MUC21: variants seen among roughly 807,000 people sequenced by gnomAD.
The protein encoded by MUC21 is mucin 21, cell surface associated, also known as mucin-21.
Under a neutral mutation model 9.1 loss-of-function variants are expected in MUC21, and 8 were observed. The ratio of observed to expected loss-of-function variants is 0.88; its 90% CI spans 0.52 to 1.59. The LOEUF (loss-of-function observed/expected upper bound fraction) is 1.59, where lower values mean the gene tolerates loss of function less well. Among genes scored for constraint, MUC21 ranks in the 40% most tolerant of loss-of-function variants. MUC21 has a pLI of 0.00. For synonymous variants in MUC21, 189 were observed against 275.2 expected (o/e 0.69, Z 3.10); for missense variants, 478 against 694.2 (o/e 0.69, Z 3.50).
chr6:30,988,473 T>G lies in MUC21; in HGVS notation c.*279T>G, dbSNP rs1264078894. 1.2e-5 allele frequency: 5 copies of G among 409,602 alleles called. No individual in the cohort carries two copies. The highest frequency in any genetic ancestry group is 2.1e-5 in the Non-Finnish European group (5 of 234,090). 25.4% of individuals were successfully genotyped at this position (409,602 alleles called of 1,614,324 possible). A position where few individuals can be genotyped will look rare whatever the true frequency, so the allele number is the denominator to read the frequency against. ...GTGGGTATCTAGCTCTGAGATGAAC[T>G]CAGTTATAGGAGAAAACCTCCATGC... On this transcript the variant is annotated 3_prime_UTR_variant, in exon 3 of 3. Coordinates refer to ENST00000376296, the MANE Select transcript of MUC21 (RefSeq NM_001010909.5).
intron 1 of MUC21, among the ~76,000 whole-genome samples, chr6:30,986,022 C>T (rs1359321187): frequency 2.0e-5 from 3 of 152,194 alleles, no homozygotes; most frequent in Non-Finnish European, 4.4e-5. Flanking sequence ...ACCTTGGCCT[C>T]CCAAAGTGCT....
At position 30,988,542 on chromosome 6, in the gene MUC21, G is replaced by C. The variant is rs1762487534; in HGVS notation, c.*348G>C. 4.1e-6 allele frequency: 1 copy of C among 245,264 alleles called. No individual in the cohort carries two copies. The highest frequency in any genetic ancestry group is 8.2e-5 in the East Asian group (1 of 12,216). 15.2% of individuals were successfully genotyped at this position (245,264 alleles called of 1,614,324 possible). A position where few individuals can be genotyped will look rare whatever the true frequency, so the allele number is the denominator to read the frequency against. On this transcript the variant is annotated 3_prime_UTR_variant, in exon 3 of 3. Transcript: ENST00000376296. The stretch of plus-strand genomic sequence containing the variant: ...CAAAATCTCCACAGTAAAATCCAAA[G>C]ACCTCATTCTTATCTGTGTGTCTGC...
In MUC21 at chr6:30,988,421, A is replaced by G. The variant is rs1211794519; in HGVS notation, c.*227A>G. 4.0e-6 allele frequency: 2 copies of G among 497,008 alleles called. No homozygotes were observed. Among genetic ancestry groups the G allele is most frequent in the African/African-American group, 3.9e-5 (2 of 50,970 alleles). 30.8% of individuals were successfully genotyped at this position (497,008 alleles called of 1,614,324 possible). On this transcript the variant is annotated 3_prime_UTR_variant, in exon 3 of 3. Coordinates refer to ENST00000376296, the MANE Select transcript of MUC21 (RefSeq NM_001010909.5). ...AAATACATCTCATCTAACACACACG[A>G]CAAAGAGAAGCTGTGCGTGCCCCGG... is the stretch of plus-strand genomic sequence containing the variant.
rs574603242 is a variant in MUC21, at chr6:30,986,756, C to T, written c.581C>T (p.Thr194Ile). The T allele has an allele frequency of 6.3e-7, 1 of 1,584,428 alleles. No homozygotes were observed. The highest frequency in any genetic ancestry group is 8.6e-7 in the Non-Finnish European group (1 of 1,163,982). ...AGCACAGTGTCCAGTAGGGCCAGCA[C>T]TGCCACCAACTCTGAGTCCAGCACA... ...ESSTVSSRAS[T>I]ATNSESSTTS... Residue 194 changes from threonine to isoleucine, a missense_variant, in exon 2 of 3, where the codon ACT (threonine) becomes ATT (isoleucine). Physicochemically the swap from Thr to Ile is moderately conservative, Grantham distance 89. Around this residue, in one of 5 missense-constraint regions of MUC21, gnomAD observed 53 missense variants for 139.1 expected, o/e 0.38. Transcript: ENST00000376296.
In MUC21 at chr6:30,983,832, C is replaced by CT. The variant is rs1378096562; in HGVS notation, c.-126dup. 2 of 615,778 alleles carry CT rather than the reference C, an allele frequency of 3.2e-6. No individual in the cohort carries two copies. The highest frequency in any genetic ancestry group is 3.8e-5 in the African/African-American group (2 of 53,316). The allele number at this position is 615,778 out of a possible 1,614,324, so 38.1% of individuals were successfully genotyped here. On this transcript the variant is annotated 5_prime_UTR_variant, in exon 1 of 3. Coordinates refer to ENST00000376296, the MANE Select transcript of MUC21 (RefSeq NM_001010909.5). ...ACACAAACGTAGGAGACCCACGCTC[C>CT]TGGAAGCACCAGCCTTTATCTCTTC...
intron 1 of MUC21, 192 bp downstream of exon 1, chr6:30,984,211 G>T (rs2150681343): frequency 3.8e-6 from 2 of 532,710 alleles, no homozygotes; most frequent in Admixed American, 6.7e-5. Context: ...TTGGGCTCTG[G>T]TCTCACATTG....
At position 30,986,846 on chromosome 6, in the gene MUC21, C is replaced by A; in HGVS notation, c.671C>A (p.Thr224Lys). 1 of 1,592,316 alleles carries A rather than the reference C, an allele frequency of 6.3e-7. No individual in the cohort carries two copies. The highest frequency in any genetic ancestry group is 8.6e-7 in the Non-Finnish European group (1 of 1,168,694). ...ESRTTSNGAG[T>K]ATNSESSTTS... ...AGAACGACCTCCAATGGGGCTGGCACAGCCACCAACTCTGAGTCCAGCACG... is the reference window on the plus strand; with the variant it reads ...AGAACGACCTCCAATGGGGCTGGCAAAGCCACCAACTCTGAGTCCAGCACG... Residue 224 changes from threonine to lysine, a missense_variant, in exon 2 of 3, where the codon ACA becomes AAA. By Grantham distance (78) the Thr-to-Lys change is moderately conservative (BLOSUM62 -1). This residue lies in a region of MUC21 where 155 missense variants were observed against 235.2 expected (regional missense o/e 0.66). Transcript: ENST00000376296.
intron 1 of MUC21, 22 bp downstream of exon 1, chr6:30,984,041 C>T (rs200387760): frequency 5.0e-5 from 39 of 779,296 alleles, no homozygotes; most frequent in Non-Finnish European, 7.7e-5. Context: ...TATTTAAAAT[C>T]GGGTGGTCTG....
chr6:30,984,437 G>A (rs895505164), intron 1 of MUC21, among the ~76,000 whole-genome samples: 3 of 151,974 alleles, frequency 2.0e-5, no homozygotes, highest in Non-Finnish European at 2.9e-5. Context: ...TTGGGAGGGT[G>A]AGGCAGGCAG....
Position 30,987,576 on chromosome 6 carries a change from T to C in MUC21, c.1401T>C (p.Ser467=). 6.2e-7 allele frequency: 1 copy of C among 1,614,200 alleles called. No individual in the cohort carries two copies. The highest frequency in any genetic ancestry group is 8.5e-7 in the Non-Finnish European group (1 of 1,180,030). ...TTSHSASTAV[S]EAKPGGSLVP... is the part of the protein sequence containing the mutation. The stretch of plus-strand genomic sequence containing the variant: ...CCCATAGTGCATCTACTGCAGTGAG[T>C]GAGGCGAAGCCTGGTGGGTCCCTGG... The change falls in exon 2 of 3, where the codon AGT becomes AGC. Residue 467 remains serine (S), a synonymous_variant. Transcript: ENST00000376296.
chr6:30,988,300 G>C lies in MUC21; in HGVS notation c.*106G>C, dbSNP rs942043349. On this transcript the variant is annotated 3_prime_UTR_variant, in exon 3 of 3. Transcript: ENST00000376296. ...CAGGAGACCCCTCCCAGCTTTGTTT[G>C]AGATCCTGAAAATCTTGAAGAAGGT... 2 of 1,081,760 alleles carry C rather than the reference G, an allele frequency of 1.8e-6. No homozygotes were observed. Among genetic ancestry groups the C allele is most frequent in the Non-Finnish European group, 2.6e-6 (2 of 771,954 alleles). 67.0% of individuals were successfully genotyped at this position (1,081,760 alleles called of 1,614,324 possible).
In MUC21 at chr6:30,986,205, A is replaced by T. The variant is rs531577189; in HGVS notation, c.62-32A>T. Reference sequence around the variant, plus strand: ...CAATAAGCAGAAAGTATATACACACAATATATATTTGTCATTATATGATTT... The same window carrying T: ...CAATAAGCAGAAAGTATATACACACTATATATATTTGTCATTATATGATTT... On this transcript the variant is annotated intron_variant, in intron 1 of 2. Coordinates refer to ENST00000376296, the MANE Select transcript of MUC21 (RefSeq NM_001010909.5). 4 of 1,559,240 alleles carry T rather than the reference A, an allele frequency of 2.6e-6. No homozygotes were observed. The East Asian group carries it at 6.7e-5, about 26-fold the overall frequency.
In MUC21 at chr6:30,988,203, G is replaced by A. The variant is rs138986172; in HGVS notation, c.*9G>A. The A allele has an allele frequency of 1.4e-5, 22 of 1,604,850 alleles. No individual in the cohort carries two copies. In the African/African-American group the frequency reaches 1.6e-4, roughly 12 times the overall value. Reference sequence around the variant, plus strand: ...GGAACAGCGGGCCCTGAGCAGCCCCGGAAGCAAGTGCCGCATTCTTCAGGA... The same window carrying A: ...GGAACAGCGGGCCCTGAGCAGCCCCAGAAGCAAGTGCCGCATTCTTCAGGA... On this transcript the variant is annotated 3_prime_UTR_variant, in exon 3 of 3. Coordinates refer to ENST00000376296, the MANE Select transcript of MUC21 (RefSeq NM_001010909.5).
At position 30,988,122 on chromosome 6, in the gene MUC21, T is replaced by C. The variant is rs1235386142; in HGVS notation, c.1629T>C (p.Ser543=). 6.2e-7 allele frequency: 1 copy of C among 1,612,376 alleles called. No individual in the cohort carries two copies. The highest frequency in any genetic ancestry group is 8.5e-7 in the Non-Finnish European group (1 of 1,179,898). ...NHGAPHRPRW[S]PNWFWRRPVS... Reference sequence around the variant, plus strand: ...GAGCCCCCCACAGGCCCAGGTGGAGTCCTAACTGGTTCTGGAGGAGACCAG... The same window carrying C: ...GAGCCCCCCACAGGCCCAGGTGGAGCCCTAACTGGTTCTGGAGGAGACCAG... The change falls in exon 3 of 3, where the codon AGT becomes AGC. Residue 543 remains serine (S), a synonymous_variant. Transcript: ENST00000376296.
chr6:30,988,292 C>T lies in MUC21; in HGVS notation c.*98C>T. On this transcript the variant is annotated 3_prime_UTR_variant, in exon 3 of 3. Transcript: ENST00000376296. ...ATTCATCCCAGGAGACCCCTCCCAG[C>T]TTTGTTTGAGATCCTGAAAATCTTG... The T allele has an allele frequency of 8.5e-7, 1 of 1,182,116 alleles. No homozygotes were observed. Among genetic ancestry groups the T allele is most frequent in the Non-Finnish European group, 1.2e-6 (1 of 860,482 alleles). The allele number at this position is 1,182,116 out of a possible 1,614,324, so 73.2% of individuals were successfully genotyped here. A position where few individuals can be genotyped will look rare whatever the true frequency, so the allele number is the denominator to read the frequency against.
intron 1 of MUC21, among the ~76,000 whole-genome samples, chr6:30,985,376 C>G (rs1356048710): frequency 6.6e-6 from 1 of 152,156 alleles, no homozygotes; most frequent in East Asian, 1.9e-4. Flanking sequence ...CATGCAGACT[C>G]CTGGGCCCCA....
chr6:30,985,323 C>G (rs1364265606), intron 1 of MUC21, among the ~76,000 whole-genome samples: 2 of 152,138 alleles, frequency 1.3e-5, no homozygotes, highest in Admixed American at 1.3e-4. Context: ...GATCAAGGGC[C>G]CCTGGAACTT....
At position 30,989,503 on chromosome 6, in the gene MUC21, C is replaced by G. The variant is rs957930258; in HGVS notation, c.*1309C>G. 1 of 152,140 alleles carries G rather than the reference C, an allele frequency of 6.6e-6. No individual in the cohort carries two copies. The highest frequency in any genetic ancestry group is 1.5e-5 in the Non-Finnish European group (1 of 68,048). The allele number at this position is 152,140 out of a possible 1,614,324, so 9.4% of individuals were successfully genotyped here. ...TAATTTTTAGAATTTTTTGTAGGGA[C>G]AGGGCCTCACTCTGTTGCACAAGCT... On this transcript the variant is annotated 3_prime_UTR_variant, in exon 3 of 3. Transcript: ENST00000376296.
chr6:30,984,307 TG>T (rs1762160042), intron 1 of MUC21: 1 of 384,818 alleles, frequency 2.6e-6, no homozygotes, highest in Admixed American at 4.3e-5. Flanking sequence ...ATCTGTAAAA[TG>T]GTAACAACCT....
Sources: gnomAD v4.1 joint callset for allele counts (sites outside exome capture counted in the v4.1 genomes callset) on GRCh38, gnomAD v4.1.1 for gene constraint, gnomAD v4.1.1 regional missense constraint, MANE v1.5 for transcripts, NCBI Gene and HGNC (gene_info 2026-07-23, HGNC 2026-07-21) for gene names.